Variants in AKAP9 observed in about 807,000 individuals in gnomAD.
The protein encoded by AKAP9 is A-kinase anchor protein 9.
A neutral mutation model predicts 488.5 loss-of-function variants in AKAP9; 311 were observed. That is an observed-to-expected ratio of 0.64 (90% CI 0.58 to 0.70). AKAP9 has a LOEUF of 0.70. Among genes scored for constraint, AKAP9 ranks in the 30% least tolerant of loss-of-function variants. AKAP9 has a pLI of 0.00. For synonymous variants in AKAP9, 1,462 were observed against 1,483.5 expected (o/e 0.99, Z 0.33); for missense variants, 4,215 against 4,374.5 (o/e 0.96, Z 1.03).
chr7:92,000,559 C>G (rs1184578925), intron 7 of AKAP9, among the ~76,000 whole-genome samples: 6 of 152,264 alleles, frequency 3.9e-5, no homozygotes, highest in Non-Finnish European at 7.4e-5. Flanking sequence ...TTGGAGACAT[C>G]TAAAATCAGA....
At chr7:92,091,985 A>G (rs1411901626) in intron 38 of AKAP9, 1 of 152,232 alleles carries the variant, frequency 6.6e-6, no homozygotes. Context: ...TTATTAGAGT[A>G]GTATAGTATT....
chr7:92,027,089 C>T (rs1296270866), intron 14 of AKAP9, among the ~76,000 whole-genome samples: 6 of 145,060 alleles, frequency 4.1e-5, no homozygotes, highest in South Asian at 2.2e-4. Flanking sequence ...CTTCTCTGCC[C>T]GGCTGCCACC....
At chr7:92,058,531 C>G in intron 22 of AKAP9, 1 of 288,090 alleles carries the variant, frequency 3.5e-6, no homozygotes, top group South Asian at 3.5e-5. Flanking sequence ...CTCATTCATT[C>G]TAGATGTATT....
At chr7:92,024,415 A>T (rs975030633) in intron 14 of AKAP9, among the ~76,000 whole-genome samples, 1 of 144,462 alleles carries the variant, frequency 6.9e-6, no homozygotes, top group African/African-American at 2.5e-5. Context: ...CTGCCTAAAA[A>T]ATATATATAT....
intron 48 of AKAP9, 101 bp downstream of exon 48, chr7:92,107,523 G>T: frequency 8.6e-7 from 1 of 1,166,660 alleles, no homozygotes; most frequent in South Asian, 1.3e-5. Context: ...CATTGAGATA[G>T]ACATCTTTGT....
intron 9 of AKAP9, among the ~76,000 whole-genome samples, chr7:92,014,017 G>A (rs1040443911): frequency 1.3e-5 from 2 of 151,918 alleles, no homozygotes; most frequent in East Asian, 3.9e-4. Flanking sequence ...GCATTTTTTT[G>A]TGTTGGGTTG....
At chr7:91,968,047 C>G (rs1794625222) in intron 1 of AKAP9, among the ~76,000 whole-genome samples, 1 of 152,112 alleles carries the variant, frequency 6.6e-6, no homozygotes, top group African/African-American at 2.4e-5. Flanking sequence ...AAGCCGTCTT[C>G]CCATGTCAGC....
intron 12 of AKAP9, among the ~76,000 whole-genome samples, chr7:92,018,423 CACACACACACACACACACAG>C (rs1235433643): frequency 2.3e-5 from 3 of 132,886 alleles, no homozygotes; most frequent in South Asian, 2.5e-4. Context: ...CACACACACA[CACACACACACACACACACAG>C]AGAAATATTC....
At chr7:92,056,367 G>A (rs1234018940) in intron 22 of AKAP9, among the ~76,000 whole-genome samples, 1 of 151,734 alleles carries the variant, frequency 6.6e-6, no homozygotes, top group South Asian at 2.1e-4. Flanking sequence ...TATTTGATAG[G>A]CTAAGCATGG....
chr7:92,064,384 A>AC (rs1349541706), intron 24 of AKAP9, among the ~76,000 whole-genome samples: 2 of 152,004 alleles, frequency 1.3e-5, no homozygotes. Context: ...TTTACTATAT[A>AC]CACTTTGTTA....
At chr7:92,010,843 TGG>T (rs1394430229) in intron 8 of AKAP9, among the ~76,000 whole-genome samples, 1 of 151,910 alleles carries the variant, frequency 6.6e-6, no homozygotes, top group Non-Finnish European at 1.5e-5. Flanking sequence ...TTTTTAGAGA[TGG>T]GGTCTTTCTG....
At chr7:91,982,654 G>A (rs1325116790) in intron 3 of AKAP9, among the ~76,000 whole-genome samples, 3 of 152,148 alleles carry the variant, frequency 2.0e-5, no homozygotes, top group African/African-American at 2.4e-5. Flanking sequence ...ATAAACATAC[G>A]TGTGCATATG....
chr7:91,944,744 T>C (rs922594656), intron 1 of AKAP9, among the ~76,000 whole-genome samples: 4 of 152,194 alleles, frequency 2.6e-5, no homozygotes, highest in Non-Finnish European at 4.4e-5. Context: ...ATTAAACACA[T>C]GTTATAGTGT....
rs374636583 is a variant in AKAP9 at position 91,985,793 on chromosome 7, G to A, written c.351+5460G>A. Among the ~76,000 whole-genome samples the A allele has an allele frequency of 1.3e-4, 20 of 152,160 alleles. 1 individual carries two copies. The highest frequency in any genetic ancestry group is 3.4e-3 in the Middle Eastern group (1 of 294). On this transcript the variant is annotated intron_variant, in intron 3 of 49. Coordinates refer to ENST00000356239, the MANE Select transcript of AKAP9 (RefSeq NM_005751.5). Reference sequence around the variant, plus strand: ...CTGCTGAGTACCTGGGACTACAGGCGCGTGCCACCATATCTGGCTAATTTT... The same window carrying A: ...CTGCTGAGTACCTGGGACTACAGGCACGTGCCACCATATCTGGCTAATTTT...
intron 46 of AKAP9, among the ~76,000 whole-genome samples, chr7:92,104,416 C>T (rs1303940421): frequency 1.3e-5 from 2 of 152,088 alleles, no homozygotes; most frequent in Non-Finnish European, 2.9e-5. Flanking sequence ...TGGTCTCGAT[C>T]TCCTGACCTC....
At chr7:92,064,792 T>C (rs967411138) in intron 24 of AKAP9, among the ~76,000 whole-genome samples, 1 of 152,198 alleles carries the variant, frequency 6.6e-6, no homozygotes, top group African/African-American at 2.4e-5. Context: ...CAGTGTTTGA[T>C]CTTCATGTTT....
intron 14 of AKAP9, among the ~76,000 whole-genome samples, chr7:92,026,045 A>T (rs925777026): frequency 2.6e-5 from 4 of 152,232 alleles, no homozygotes; most frequent in Non-Finnish European, 5.9e-5. Flanking sequence ...ATGGAAATGA[A>T]GGATGAATAT....
At chr7:92,017,248 A>AATATTGTAGTAG in intron 12 of AKAP9, 146 bp downstream of exon 12, 1 of 667,948 alleles carries the variant, frequency 1.5e-6, no homozygotes, top group South Asian at 1.8e-5. Flanking sequence ...TGTAGTAGAT[A>AATATTGTAGTAG]ATTTATATTG....
At chr7:92,023,505 T>C (rs184160006) in intron 14 of AKAP9, among the ~76,000 whole-genome samples, 1 of 152,294 alleles carries the variant, frequency 6.6e-6, no homozygotes, top group Admixed American at 6.5e-5. Context: ...CTTTCTCTTA[T>C]ACCTCTCTTC....
Sources: gnomAD v4.1 joint callset for allele counts (sites outside exome capture counted in the v4.1 genomes callset) on GRCh38, gnomAD v4.1.1 for gene constraint, MANE v1.5 for transcripts, NCBI Gene and HGNC (gene_info 2026-07-23, HGNC 2026-07-21) for gene names.